RPS6KA2: variants seen among roughly 807,000 people sequenced by gnomAD.
RPS6KA2 encodes ribosomal protein S6 kinase A2.
A neutral mutation model predicts 91.8 loss-of-function variants in RPS6KA2; 42 were observed. The ratio of observed to expected loss-of-function variants is 0.46; its 90% confidence interval spans 0.36 to 0.59. RPS6KA2 has a LOEUF of 0.59. Ranked by LOEUF, RPS6KA2 falls within the 20% of genes least tolerant of loss-of-function variation. RPS6KA2 has a pLI of 0.00. For missense variants in RPS6KA2, 798 were observed against 978.5 expected, an observed-to-expected ratio of 0.82 and a Z score of 2.46; for synonymous variants, 414 against 393.6, an observed-to-expected ratio of 1.05 and a Z score of -0.61.
At chr6:166,824,019 A>G (rs974389239) in intron 2 of RPS6KA2, among the ~76,000 whole-genome samples, 1 of 152,154 alleles carries the variant, frequency 6.6e-6, no homozygotes, top group African/African-American at 2.4e-5. Context: ...CAATAATTCC[A>G]TACAACGATT....
chr6:166,447,048 C>T (rs1373519373), intron 14 of RPS6KA2, among the ~76,000 whole-genome samples: 2 of 152,186 alleles, frequency 1.3e-5, no homozygotes, highest in African/African-American at 2.4e-5. Context: ...AGATGGTAGG[C>T]GCCCATCTAA....
intron 2 of RPS6KA2, among the ~76,000 whole-genome samples, chr6:166,697,038 A>C (rs1789378954): frequency 6.7e-6 from 1 of 150,312 alleles, no homozygotes; most frequent in Non-Finnish European, 1.5e-5. Flanking sequence ...CTTACAATAA[A>C]ATCTGTGTGT....
At position 166,494,031 on chromosome 6, in the gene RPS6KA2, A is replaced by T. The variant is rs530406614; in HGVS notation, c.748-3290T>A. Among the ~76,000 whole-genome samples the T allele has an allele frequency of 1.3e-5, 2 of 152,336 alleles. No homozygotes were observed. Among genetic ancestry groups the T allele is most frequent in the African/African-American group, 4.8e-5 (2 of 41,580 alleles). On this transcript the variant is annotated intron_variant, in intron 8 of 20. Coordinates refer to ENST00000265678, the MANE Select transcript of RPS6KA2 (RefSeq NM_021135.6). The surrounding 1 kb of genome is among the most constrained non-coding windows in gnomAD (Gnocchi z 5.1). ...CTTGGTGACAGGAGCCTCGATTTCAAGTTTACTTGGCCGATCACCATTCTT... is the reference window on the plus strand; with the variant it reads ...CTTGGTGACAGGAGCCTCGATTTCATGTTTACTTGGCCGATCACCATTCTT...
At chr6:166,586,263 C>T in intron 1 of RPS6KA2, 1 of 1,596,882 alleles carries the variant, frequency 6.3e-7, no homozygotes, top group Non-Finnish European at 8.5e-7. Flanking sequence ...ACTTGGCCAC[C>T]CCCATCTGTT....
chr6:166,475,346 G>T (rs1321675962), intron 10 of RPS6KA2, among the ~76,000 whole-genome samples: 1 of 152,150 alleles, frequency 6.6e-6, no homozygotes, highest in Non-Finnish European at 1.5e-5. Flanking sequence ...GCGTGGCCCG[G>T]CCCCTGGCTG....
intron 2 of RPS6KA2, among the ~76,000 whole-genome samples, chr6:166,707,893 A>G (rs1046271601): frequency 2.0e-5 from 3 of 152,070 alleles, no homozygotes; most frequent in African/African-American, 7.2e-5. Flanking sequence ...ACAGGTGTGC[A>G]CCACCGTGCC....
At chr6:166,694,829 T>C (rs1224623254) in intron 2 of RPS6KA2, among the ~76,000 whole-genome samples, 1 of 152,240 alleles carries the variant, frequency 6.6e-6, no homozygotes, top group Non-Finnish European at 1.5e-5. Flanking sequence ...TTCATTCATT[T>C]AAGAAATATT....
In RPS6KA2 at chr6:166,451,100, T is replaced by C; in HGVS notation, c.1206+3A>G. The C allele has an allele frequency of 6.2e-7, 1 of 1,613,962 alleles. No homozygotes were observed. ...CCAACCCACTGCAGGCAAACACAGT[T>C]ACCTGCACGATTGGGTGAACTGGGA... On this transcript the variant is annotated splice_donor_region_variant and intron_variant, in intron 13 of 20. Coordinates refer to ENST00000265678, the MANE Select transcript of RPS6KA2 (RefSeq NM_021135.6).
rs1271058972 is a variant in RPS6KA2, at chr6:166,666,948, T to C, written c.124-128164A>G. 6.6e-6 allele frequency among the ~76,000 whole-genome samples: 1 copy of C among 152,144 alleles called. No homozygotes were observed. The highest frequency in any genetic ancestry group is 2.4e-5 in the African/African-American group (1 of 41,406). On this transcript the variant is annotated intron_variant, in intron 2 of 21. Coordinates refer to the RPS6KA2 transcript ENST00000503859. This position sits in a 1 kb window ranked among gnomAD's most constrained non-coding sequence, Gnocchi z 4.0. ...AAGGAAATGACGACGCACGTTGCAATGTGGATGAACCTGGAGGACATTATG... is the reference window on the plus strand; with the variant it reads ...AAGGAAATGACGACGCACGTTGCAACGTGGATGAACCTGGAGGACATTATG...
intron 2 of RPS6KA2, among the ~76,000 whole-genome samples, chr6:166,683,590 A>C (rs1488552131): frequency 1.3e-5 from 2 of 152,272 alleles, no homozygotes; most frequent in Non-Finnish European, 2.9e-5. Flanking sequence ...TGTGACTCAA[A>C]TATTTCCTTC....
Position 166,500,647 on chromosome 6 carries a change from CAG to C in RPS6KA2, c.604+238_604+239del, listed in dbSNP as rs1434839347. ...AGCGACGCTGAAGGAGCCCAGCAAACAGAACGTGGCAGGGGAGAGGGAAAAGA... is the reference window on the plus strand; with the variant it reads ...AGCGACGCTGAAGGAGCCCAGCAAACAACGTGGCAGGGGAGAGGGAAAAGA... On this transcript the variant is annotated intron_variant, in intron 7 of 20. Transcript: ENST00000265678. The surrounding 1 kb of genome is among the most constrained non-coding windows in gnomAD (Gnocchi z 4.3). 6.6e-6 allele frequency among the ~76,000 whole-genome samples: 1 copy of C among 152,172 alleles called. No homozygotes were observed. The highest frequency in any genetic ancestry group is 1.5e-5 in the Non-Finnish European group (1 of 68,034).
rs1279806200 is a variant in RPS6KA2, at chr6:166,825,406, A to G, written c.123+32794T>C. Among the ~76,000 whole-genome samples the G allele has an allele frequency of 6.6e-6, 1 of 152,190 alleles. No homozygotes were observed. Among genetic ancestry groups the G allele is most frequent in the African/African-American group, 2.4e-5 (1 of 41,440 alleles). On this transcript the variant is annotated intron_variant, in intron 2 of 21. Transcript: ENST00000503859. This position sits in a 1 kb window ranked among gnomAD's most constrained non-coding sequence, Gnocchi z 4.1. ...GAAGAACTCGGGCTTAGGGGAAGAA[A>G]TGGAGTTTAGGTGGAATACAGCAGA...
At chr6:166,664,353 G>A (rs149393993) in intron 2 of RPS6KA2, among the ~76,000 whole-genome samples, 1,953 of 152,318 alleles carry the variant, frequency 0.013, 32 homozygotes, top group Middle Eastern at 0.037. Flanking sequence ...TTAAGTTTCC[G>A]GGTGATAACT....
At chr6:166,861,991 T>C (rs73039469) in intron 1 of RPS6KA2, 69,440 of 1,338,312 alleles carry the variant, frequency 0.052, 2,070 homozygotes, top group South Asian at 0.083. Flanking sequence ...GCCAACTCTC[T>C]GACCCATCAT....
chr6:166,735,144 G>C (rs1218645113), intron 2 of RPS6KA2, among the ~76,000 whole-genome samples: 1 of 152,230 alleles, frequency 6.6e-6, no homozygotes, highest in African/African-American at 2.4e-5. Context: ...GGCAGGATAA[G>C]AAGAGCTGGA....
intron 2 of RPS6KA2, among the ~76,000 whole-genome samples, chr6:166,707,185 C>G (rs539889874): frequency 4.2e-4 from 64 of 152,340 alleles, no homozygotes; most frequent in African/African-American, 1.4e-3. Context: ...GGACAGATAA[C>G]CCTTTGTGCA....
In RPS6KA2 at chr6:166,726,794, G is replaced by A. The variant is rs191502243; in HGVS notation, c.123+131406C>T. ...TGAACACGGCAACAACTCTAGGTGA[G>A]GAGTGTTTGGCAGATGAAACCCCTC... On this transcript the variant is annotated intron_variant, in intron 2 of 21. Coordinates refer to the RPS6KA2 transcript ENST00000503859. The surrounding 1 kb of genome is among the most constrained non-coding windows in gnomAD (Gnocchi z 4.4). Among the ~76,000 whole-genome samples, 6 of 152,316 alleles carry A rather than the reference G, an allele frequency of 3.9e-5. No homozygotes were observed. In the East Asian group the frequency reaches 1.2e-3, roughly 29 times the overall value.
Position 166,448,719 on chromosome 6 carries a change from C to T in RPS6KA2, c.1332+5G>A. On this transcript the variant is annotated splice_donor_5th_base_variant and intron_variant, in intron 14 of 20. Transcript: ENST00000265678. This position sits in a 1 kb window ranked among gnomAD's most constrained non-coding sequence, Gnocchi z 4.7. ...GGCCCTGCTCACTCAGCAGGCCTGC[C>T]TTACCTTCACGGCATACTCGGTGTC... 2 of 1,608,730 alleles carry T rather than the reference C, an allele frequency of 1.2e-6. No individual in the cohort carries two copies. The highest frequency in any genetic ancestry group is 1.7e-6 in the Non-Finnish European group (2 of 1,177,124).
At chr6:166,751,477 G>A (rs1791281145) in intron 2 of RPS6KA2, among the ~76,000 whole-genome samples, 1 of 152,246 alleles carries the variant, frequency 6.6e-6, no homozygotes, top group East Asian at 1.9e-4. Context: ...AGGCAAAGCT[G>A]CACCGCAGGG....
Sources: allele counts gnomAD v4.1 joint callset (sites outside exome capture counted in the v4.1 genomes callset), GRCh38; gene constraint gnomAD v4.1.1; non-coding constraint Gnocchi (gnomAD v3.1); transcripts MANE v1.5; gene names NCBI Gene and HGNC (gene_info 2026-07-23, HGNC 2026-07-21).